The following TNRC18 variants were observed in gnomAD, a reference collection of about 807,000 sequenced individuals.
The protein encoded by TNRC18 is trinucleotide repeat-containing gene 18 protein.
In TNRC18, 69 loss-of-function variants were observed where a neutral mutation model predicts 226.7. That is an observed-to-expected ratio of 0.30 (90% CI 0.25 to 0.37). The LOEUF is 0.37. Among genes scored for constraint, TNRC18 ranks in the 10% least tolerant of loss-of-function variants. TNRC18 has a pLI of 1.00. For synonymous variants in TNRC18, 2,449 were observed against 1,927.6 expected (o/e 1.27, Z -7.09); for missense variants, 4,754 against 4,256.6 (o/e 1.12, Z -3.25).
At chr7:5,378,570 C>G (rs1365580354) in intron 5 of TNRC18, among the ~76,000 whole-genome samples, 1 of 151,870 alleles carries the variant, frequency 6.6e-6, no homozygotes, top group Non-Finnish European at 1.5e-5. Context: ...AGGTGCCCAC[C>G]ACCACGCCCC....
intron 10 of TNRC18, among the ~76,000 whole-genome samples, chr7:5,372,084 T>C (rs1426696389): frequency 6.6e-6 from 1 of 151,788 alleles, no homozygotes; most frequent in African/African-American, 2.4e-5. Flanking sequence ...TTTTTTTTTT[T>C]TGAGACGCAG....
At chr7:5,397,956 C>A (rs138511447) in intron 2 of TNRC18, among the ~76,000 whole-genome samples, 1,540 of 152,204 alleles carry the variant, frequency 0.01, 14 homozygotes, top group Middle Eastern at 0.024. Flanking sequence ...GACCTGCCAC[C>A]CAGGACATAC....
intron 19 of TNRC18, among the ~76,000 whole-genome samples, chr7:5,331,618 A>G (rs1299290917): frequency 2.0e-5 from 3 of 152,114 alleles, no homozygotes; most frequent in African/African-American, 4.8e-5. Flanking sequence ...CATCCTTTAC[A>G]CTGCTTCAGA....
At chr7:5,419,224 T>C (rs1445356943) in intron 2 of TNRC18, among the ~76,000 whole-genome samples, 2 of 152,266 alleles carry the variant, frequency 1.3e-5, no homozygotes, top group African/African-American at 2.4e-5. Context: ...GGCGCGGCCC[T>C]GGCACTGTGC....
At position 5,370,387 on chromosome 7, in the gene TNRC18, G is replaced by C; in HGVS notation, c.4207C>G (p.Gln1403Glu). 1 of 1,546,252 alleles carries C rather than the reference G, an allele frequency of 6.5e-7. No homozygotes were observed. Among genetic ancestry groups the C allele is most frequent in the Non-Finnish European group, 8.7e-7 (1 of 1,144,558 alleles). ...IAELELERRSQEMGGAERALV... is the reference protein window; with the variant it reads ...IAELELERRSEEMGGAERALV... ...CGCGCACTCTCACCTCCCATCTCTT[G>C]GCTCCTCCTCTCCAGCTCCAGCTCT... is the stretch of plus-strand genomic sequence containing the variant. The change falls in exon 11 of 30, where the codon CAA becomes GAA. Residue 1403 changes from glutamine (Q) to glutamate (E), a missense_variant. By Grantham distance (29) the Gln-to-Glu change is conservative. Coordinates refer to ENST00000430969, the MANE Select transcript of TNRC18 (RefSeq NM_001080495.3).
At chr7:5,422,063 CG>C (rs1267169824) in intron 1 of TNRC18, among the ~76,000 whole-genome samples, 2 of 151,990 alleles carry the variant, frequency 1.3e-5, no homozygotes, top group East Asian at 3.9e-4. Flanking sequence ...GGGTCCAAAG[CG>C]GGTTTATTAT....
chr7:5,391,058 C>T (rs564250072), intron 3 of TNRC18, among the ~76,000 whole-genome samples: 1 of 152,186 alleles, frequency 6.6e-6, no homozygotes, highest in South Asian at 2.1e-4. Context: ...GGCTTTGGAT[C>T]GAGACCATCG....
At chr7:5,419,065 G>A (rs1330563016) in intron 2 of TNRC18, among the ~76,000 whole-genome samples, 4 of 152,232 alleles carry the variant, frequency 2.6e-5, no homozygotes, top group Admixed American at 2.0e-4. Flanking sequence ...AAGTCAGGCA[G>A]CTCCCAGCGA....
intron 16 of TNRC18, 69 bp downstream of exon 16, chr7:5,356,846 AC>A: frequency 1.4e-6 from 2 of 1,422,374 alleles, no homozygotes; most frequent in Non-Finnish European, 1.9e-6. Context: ...GGGAAGGAGG[AC>A]GGTGGAGAGA....
chr7:5,374,056 T>C lies in TNRC18; in HGVS notation c.3228A>G (p.Ser1076=). ...CTGAGGGTCTCAGCTGCATCCTACC[T>C]GAGAACAGGGCCTGGAAGGGGCTGG... ...EAPSPFQALF[S]DIPPRYPFQA... The change falls in exon 10 of 30, where the codon TCA becomes TCG. Residue 1076 remains serine (S), a splice_region_variant and synonymous_variant. Coordinates refer to ENST00000430969, the MANE Select transcript of TNRC18 (RefSeq NM_001080495.3). 1.3e-6 allele frequency: 2 copies of C among 1,558,310 alleles called. No homozygotes were observed. The highest frequency in any genetic ancestry group is 1.9e-5 in the Admixed American group (1 of 51,710).
At chr7:5,344,445 CA>C in intron 18 of TNRC18, among the ~76,000 whole-genome samples, 1 of 152,192 alleles carries the variant, frequency 6.6e-6, no homozygotes, top group East Asian at 1.9e-4. Flanking sequence ...TGGAGCCCAG[CA>C]AACAATGGCA....
rs903243589 is a variant in TNRC18 at position 5,391,472 on chromosome 7, C to T, written c.344-844G>A. Among the ~76,000 whole-genome samples the T allele has an allele frequency of 3.3e-5, 5 of 151,926 alleles. No homozygotes were observed. The East Asian group carries it at 7.8e-4, about 24-fold the overall frequency. ...GATTACAGGCGCCTGCTACCACACCCGGCTAATTTTGTATTTTTAGTAGAG... is the reference window on the plus strand; with the variant it reads ...GATTACAGGCGCCTGCTACCACACCTGGCTAATTTTGTATTTTTAGTAGAG... On this transcript the variant is annotated intron_variant, in intron 3 of 29. Transcript: ENST00000430969.
intron 17 of TNRC18, among the ~76,000 whole-genome samples, chr7:5,351,197 G>A (rs917889086): frequency 2.6e-5 from 4 of 152,062 alleles, no homozygotes; most frequent in African/African-American, 7.2e-5. Context: ...TGGGGAGGAG[G>A]GAGGGGAGGA....
At chr7:5,366,121 T>C (rs567714299) in intron 11 of TNRC18, among the ~76,000 whole-genome samples, 1 of 152,080 alleles carries the variant, frequency 6.6e-6, no homozygotes, top group East Asian at 1.9e-4. Flanking sequence ...TATTCACATT[T>C]CACTATTCAT....
At chr7:5,423,091 T>G (rs1186539314) in intron 1 of TNRC18, 2 of 151,972 alleles carry the variant, frequency 1.3e-5, no homozygotes, top group Non-Finnish European at 2.9e-5. Context: ...ATGGCTGAAT[T>G]CCGGCTTTTA....
intron 2 of TNRC18, among the ~76,000 whole-genome samples, chr7:5,399,838 A>G (rs1212990441): frequency 2.6e-5 from 4 of 151,984 alleles, no homozygotes; most frequent in Non-Finnish European, 5.9e-5. Flanking sequence ...CAGCCTGGCC[A>G]ACATGGCGAA....
chr7:5,306,815 C>CA lies in TNRC18; in HGVS notation c.*1290_*1291insT, dbSNP rs1786551135. 1 of 150,990 alleles carries CA rather than the reference C, an allele frequency of 6.6e-6. No homozygotes were observed. The allele number at this position is 150,990 out of a possible 1,614,324, so 9.4% of individuals were successfully genotyped here. A position where few individuals can be genotyped will look rare whatever the true frequency, so the allele number is the denominator to read the frequency against. ...TTTTATTTTTCCAATTAAATCTTTT[C>CA]TTTTTTTTTATGAAAAAAGATCACA... On this transcript the variant is annotated 3_prime_UTR_variant, in exon 30 of 30. Transcript: ENST00000430969.
intron 21 of TNRC18, among the ~76,000 whole-genome samples, chr7:5,323,313 G>A (rs56178001): frequency 6.7e-6 from 1 of 150,144 alleles, no homozygotes; most frequent in Non-Finnish European, 1.5e-5. Context: ...TCCCTGACCC[G>A]GGTCTCAGGG....
chr7:5,375,438 G>A (rs1794567334), intron 9 of TNRC18, among the ~76,000 whole-genome samples: 1 of 152,240 alleles, frequency 6.6e-6, no homozygotes, highest in Non-Finnish European at 1.5e-5. Context: ...ATCTGTTTCT[G>A]GGAGAGGAAA....
Sources: gnomAD v4.1 joint callset for allele counts (sites outside exome capture counted in the v4.1 genomes callset) on GRCh38, gnomAD v4.1.1 for gene constraint, MANE v1.5 for transcripts, NCBI Gene and HGNC (gene_info 2026-07-23, HGNC 2026-07-21) for gene names.